The following MAGI2 variants were observed in gnomAD, a reference collection of about 807,000 sequenced individuals.
The protein encoded by MAGI2 is membrane-associated guanylate kinase, WW and PDZ domain-containing protein 2.
A neutral mutation model predicts 133.3 loss-of-function variants in MAGI2; 35 were observed. That is an observed-to-expected ratio of 0.26 (90% CI 0.20 to 0.35). The LOEUF is 0.35. Among genes scored for constraint, MAGI2 ranks in the 10% least tolerant of loss-of-function variants. The probability of loss-of-function intolerance (pLI) is 1.00; values close to 1 mark genes in which losing one functional copy is unlikely to be tolerated. For synonymous variants in MAGI2, 729 were observed against 710.6 expected, an observed-to-expected ratio of 1.03 and a Z score of -0.41; for missense variants, 1,636 against 1,863.4, an observed-to-expected ratio of 0.88 and a Z score of 2.25.
chr7:78,704,357 A>G (rs989183966), intron 2 of MAGI2, among the ~76,000 whole-genome samples: 7 of 152,156 alleles, frequency 4.6e-5, no homozygotes, highest in African/African-American at 7.2e-5. Context: ...GCAGATCAAA[A>G]TCACAGTATG....
At chr7:78,249,659 C>G (rs1012363906) in intron 10 of MAGI2, among the ~76,000 whole-genome samples, 1 of 151,906 alleles carries the variant, frequency 6.6e-6, no homozygotes, top group Non-Finnish European at 1.5e-5. Context: ...AAGAGTTCAT[C>G]TCATAGAAAT....
At chr7:78,778,026 C>T (rs1826119686) in intron 2 of MAGI2, among the ~76,000 whole-genome samples, 1 of 152,216 alleles carries the variant, frequency 6.6e-6, no homozygotes, top group African/African-American at 2.4e-5. Flanking sequence ...AAATTCCTTT[C>T]TTGAGCTGCT....
intron 9 of MAGI2, among the ~76,000 whole-genome samples, chr7:78,268,860 C>T (rs1458289317): frequency 2.0e-5 from 3 of 152,012 alleles, no homozygotes; most frequent in South Asian, 2.1e-4. Context: ...TAGGTATACA[C>T]GTGCCATGGT....
intron 1 of MAGI2, among the ~76,000 whole-genome samples, chr7:79,283,644 A>C (rs1435789829): frequency 1.3e-5 from 2 of 152,118 alleles, no homozygotes; most frequent in African/African-American, 4.8e-5. Context: ...GAAGTCTGCT[A>C]AGAGGCTCTG....
intron 6 of MAGI2, among the ~76,000 whole-genome samples, chr7:78,371,840 T>C (rs998007780): frequency 5.9e-5 from 9 of 152,074 alleles, no homozygotes; most frequent in African/African-American, 1.9e-4. Flanking sequence ...TTATATGTCA[T>C]ACACATTTGT....
chr7:78,956,708 G>A (rs1281877368), intron 2 of MAGI2, among the ~76,000 whole-genome samples: 2 of 152,102 alleles, frequency 1.3e-5, no homozygotes, highest in East Asian at 3.9e-4. Context: ...AAAGAGCAGG[G>A]CATATACTAC....
intron 2 of MAGI2, among the ~76,000 whole-genome samples, chr7:78,698,421 C>G (rs1172933125): frequency 6.6e-6 from 1 of 152,136 alleles, no homozygotes; most frequent in Non-Finnish European, 1.5e-5. Flanking sequence ...AAAGATCCTC[C>G]CAGGCTCATT....
rs551513902 is a variant in MAGI2, at chr7:78,212,372, C to T, written c.2048-11179G>A. ...ATACAGGTGGGCCCAACCTACTACA[C>T]GAGTCCTTTCAAGAGAGGAAACGTT... On this transcript the variant is annotated intron_variant, in intron 10 of 21. Transcript: ENST00000354212. 4.6e-5 allele frequency among the ~76,000 whole-genome samples: 7 copies of T among 152,284 alleles called. No homozygotes were observed. The South Asian group carries it at 6.2e-4, about 14-fold the overall frequency.
intron 1 of MAGI2, among the ~76,000 whole-genome samples, chr7:79,367,878 T>TATATA (rs1446885185): frequency 2.6e-5 from 3 of 116,582 alleles, no homozygotes; most frequent in Admixed American, 8.7e-5. Flanking sequence ...TATATATATG[T>TATATA]CATTGACTGG....
At chr7:78,916,176 G>C (rs1798780900) in intron 2 of MAGI2, among the ~76,000 whole-genome samples, 1 of 151,864 alleles carries the variant, frequency 6.6e-6, no homozygotes. Flanking sequence ...TTCAGTCTTA[G>C]TTCCTCATCT....
chr7:79,308,854 G>C (rs1371674487), intron 1 of MAGI2, among the ~76,000 whole-genome samples: 2 of 152,046 alleles, frequency 1.3e-5, no homozygotes, highest in African/African-American at 4.8e-5. Flanking sequence ...TCAGAAAATA[G>C]TAGAAACAGC....
chr7:78,283,822 A>G (rs553470564), intron 9 of MAGI2, among the ~76,000 whole-genome samples: 1 of 152,234 alleles, frequency 6.6e-6, no homozygotes, highest in Non-Finnish European at 1.5e-5. Context: ...CTGTTTTTGT[A>G]AAGTAACCCA....
At chr7:78,248,861 A>C (rs1792075347) in intron 10 of MAGI2, among the ~76,000 whole-genome samples, 1 of 152,120 alleles carries the variant, frequency 6.6e-6, no homozygotes, top group South Asian at 2.1e-4. Flanking sequence ...AAAAGCAGAC[A>C]AATGGGATTA....
chr7:79,321,087 A>G (rs2129561619), intron 1 of MAGI2, among the ~76,000 whole-genome samples: 1 of 152,252 alleles, frequency 6.6e-6, no homozygotes, highest in South Asian at 2.1e-4. Flanking sequence ...GGATAACAAT[A>G]TGCAGTACTA....
chr7:78,220,343 C>G lies in MAGI2; in HGVS notation c.2048-19150G>C, dbSNP rs1421556376. ...ACTGACCAATCTTGCCGTGTCCCCC[C>G]ACCCATGGTACCCTGGCTGCACTCT... On this transcript the variant is annotated intron_variant, in intron 10 of 21. Transcript: ENST00000354212. 4.6e-5 allele frequency among the ~76,000 whole-genome samples: 7 copies of G among 152,318 alleles called. No homozygotes were observed. The South Asian group carries it at 1.0e-3, about 23-fold the overall frequency.
intron 20 of MAGI2, among the ~76,000 whole-genome samples, chr7:78,124,989 G>C (rs930711723): frequency 6.6e-6 from 1 of 151,626 alleles, no homozygotes; most frequent in Non-Finnish European, 1.5e-5. Flanking sequence ...TCAGCCTCCT[G>C]AGTAGCTAGG....
At chr7:79,277,887 C>T (rs542479242) in intron 1 of MAGI2, among the ~76,000 whole-genome samples, 8 of 152,246 alleles carry the variant, frequency 5.3e-5, no homozygotes, top group African/African-American at 1.7e-4. Flanking sequence ...GTCCCTATCT[C>T]CCAGTATCTG....
At chr7:79,228,902 G>A (rs1831115648) in intron 1 of MAGI2, among the ~76,000 whole-genome samples, 1 of 152,096 alleles carries the variant, frequency 6.6e-6, no homozygotes, top group Non-Finnish European at 1.5e-5. Flanking sequence ...ATGGTTTGGT[G>A]CTGCTGTTTC....
At chr7:79,106,004 A>G (rs1213536209) in intron 1 of MAGI2, among the ~76,000 whole-genome samples, 2 of 152,222 alleles carry the variant, frequency 1.3e-5, no homozygotes, top group Non-Finnish European at 2.9e-5. Context: ...TTTTAGCATT[A>G]TAACAAAAAC....
Sources: gnomAD v4.1 joint callset for allele counts (sites outside exome capture counted in the v4.1 genomes callset) on GRCh38, gnomAD v4.1.1 for gene constraint, MANE v1.5 for transcripts, NCBI Gene and HGNC (gene_info 2026-07-23, HGNC 2026-07-21) for gene names.